Variants in BEND6 observed in about 807,000 individuals in gnomAD.
BEND6 encodes the protein BEN domain containing 6.
BEND6 carries 24 observed loss-of-function variants against 31.8 expected under a neutral mutation model. That is an observed-to-expected ratio of 0.75 (90% CI 0.55 to 1.06). BEND6 has a LOEUF of 1.06. Among genes scored for constraint, BEND6 ranks in the 50% least tolerant of loss-of-function variants. The pLI is 0.00. For missense variants in BEND6, 294 were observed against 327.4 expected (o/e 0.90, Z 0.79); for synonymous variants, 109 against 114.6 (o/e 0.95, Z 0.31).
At chr6:56,979,416 C>T (rs1040662547) in intron 1 of BEND6, among the ~76,000 whole-genome samples, 3 of 151,954 alleles carry the variant, frequency 2.0e-5, no homozygotes, top group South Asian at 2.1e-4. Flanking sequence ...ATGGTTAAAA[C>T]GGTGAATTTA....
chr6:56,969,319 A>G (rs1164721870), intron 1 of BEND6, among the ~76,000 whole-genome samples: 2 of 152,174 alleles, frequency 1.3e-5, no homozygotes, highest in Admixed American at 1.3e-4. Context: ...AACTAAAAAT[A>G]AATAATATAG....
In BEND6 at chr6:57,017,312, C is replaced by G. The variant is rs767948407; in HGVS notation, c.625C>G (p.His209Asp). The G allele has an allele frequency of 1.8e-5, 27 of 1,472,284 alleles. No individual in the cohort carries two copies. Among genetic ancestry groups the G allele is most frequent in the Non-Finnish European group, 2.4e-5 (27 of 1,107,624 alleles). 91.2% of individuals were successfully genotyped at this position (1,472,284 alleles called of 1,614,324 possible). ...TTACACAAATGAATACATGGCCACT[C>G]ACAGCCTGACAGGGGCAAAATCCTC... is the stretch of plus-strand genomic sequence containing the variant. ...VLYTNEYMAT[H>D]SLTGAKSSTS... The change falls in exon 5 of 7, where the codon CAC becomes GAC. Residue 209 changes from histidine (H) to aspartate (D), a missense_variant. Transcript: ENST00000370746.
intron 2 of BEND6, among the ~76,000 whole-genome samples, chr6:56,984,786 C>T (rs1371695699): frequency 6.6e-6 from 1 of 152,158 alleles, no homozygotes; most frequent in African/African-American, 2.4e-5. Context: ...AAACAAAAAG[C>T]TTGAAGGAAA....
chr6:56,971,311 C>T lies in BEND6; in HGVS notation c.-100-10400C>T, dbSNP rs79475915. 9.2e-3 allele frequency among the ~76,000 whole-genome samples: 1,408 copies of T among 152,268 alleles called. 18 individuals are homozygous for T. Among genetic ancestry groups the T allele is most frequent in the African/African-American group, 0.032 (1,330 of 41,556 alleles). ...TGTTATAGAACATCAGAATTTCCTT[C>T]CTTTTAAAGGTTGAATACTATTACA... On this transcript the variant is annotated intron_variant, in intron 1 of 6. Coordinates refer to ENST00000370746, the MANE Select transcript of BEND6 (RefSeq NM_152731.3).
At chr6:56,980,744 A>T (rs1826037098) in intron 1 of BEND6, among the ~76,000 whole-genome samples, 1 of 152,218 alleles carries the variant, frequency 6.6e-6, no homozygotes, top group African/African-American at 2.4e-5. Context: ...TTTCTAAAAT[A>T]GTGACAATGT....
At chr6:56,992,292 G>A in intron 2 of BEND6, 86 bp from the exon 3 acceptor site, 1 of 1,396,502 alleles carries the variant, frequency 7.2e-7, no homozygotes, top group Non-Finnish European at 9.6e-7. Context: ...GAAATTTGTA[G>A]TCCCAACAAC....
intron 3 of BEND6, among the ~76,000 whole-genome samples, chr6:57,005,816 G>A (rs114305294): frequency 1.3e-5 from 2 of 151,908 alleles, no homozygotes; most frequent in African/African-American, 4.8e-5. Context: ...ATAAGTTGAC[G>A]AAAAATATTC....
intron 1 of BEND6, 147 bp downstream of exon 1, chr6:56,955,607 C>G (rs13193800): frequency 0.13 from 19,511 of 152,266 alleles, 1,464 homozygotes; most frequent in Middle Eastern, 0.2. Context: ...GTAGTACGCT[C>G]TGGTCGGCAG....
At chr6:57,000,364 T>A (rs529354772) in intron 3 of BEND6, among the ~76,000 whole-genome samples, 1 of 152,122 alleles carries the variant, frequency 6.6e-6, no homozygotes, top group Non-Finnish European at 1.5e-5. Flanking sequence ...AGATGTGCTT[T>A]GTTAAACAGA....
chr6:57,001,392 G>A (rs929288026), intron 3 of BEND6, among the ~76,000 whole-genome samples: 2 of 152,048 alleles, frequency 1.3e-5, no homozygotes, highest in African/African-American at 4.8e-5. Flanking sequence ...TTGAACTCCT[G>A]GGCTCAAGTG....
At chr6:57,004,538 A>G in intron 3 of BEND6, 1 of 776,672 alleles carries the variant, frequency 1.3e-6, no homozygotes, top group Non-Finnish European at 2.3e-6. Flanking sequence ...CGCCATGACT[A>G]CCACATGCCC....
At chr6:56,995,831 G>A (rs1371660965) in intron 3 of BEND6, among the ~76,000 whole-genome samples, 3 of 152,126 alleles carry the variant, frequency 2.0e-5, no homozygotes, top group African/African-American at 7.2e-5. Context: ...ACATCTTTTT[G>A]GGGGACACAG....
chr6:56,972,317 A>T (rs2127845465), intron 1 of BEND6, among the ~76,000 whole-genome samples: 1 of 151,624 alleles, frequency 6.6e-6, no homozygotes, highest in Middle Eastern at 3.4e-3. Context: ...CTGGTCTCGA[A>T]CCTCTGAGCT....
At chr6:57,010,852 A>C in intron 3 of BEND6, 1 of 729,274 alleles carries the variant, frequency 1.4e-6, no homozygotes, top group East Asian at 1.3e-4. Context: ...ATGAAAATTT[A>C]AATTATGTGT....
At chr6:56,979,496 A>G (rs1825997008) in intron 1 of BEND6, among the ~76,000 whole-genome samples, 1 of 152,208 alleles carries the variant, frequency 6.6e-6, no homozygotes, top group African/African-American at 2.4e-5. Flanking sequence ...ATATGCCAGT[A>G]CCTATCAATG....
At chr6:56,987,085 C>G (rs965442535) in intron 2 of BEND6, among the ~76,000 whole-genome samples, 4 of 149,434 alleles carry the variant, frequency 2.7e-5, no homozygotes, top group African/African-American at 9.9e-5. Context: ...TCAAACAATT[C>G]TCGTGCCTCA....
intron 3 of BEND6, chr6:57,014,158 G>A (rs1460298595): frequency 4.6e-6 from 1 of 216,908 alleles, no homozygotes; most frequent in East Asian, 9.4e-5. Flanking sequence ...TGCTCAATAA[G>A]TAATTACTGA....
At chr6:57,008,544 G>A (rs1827240519) in intron 3 of BEND6, 2 of 296,330 alleles carry the variant, frequency 6.7e-6, no homozygotes, top group African/African-American at 2.2e-5. Flanking sequence ...CTGCAGCCTG[G>A]GTGACAGACA....
In BEND6 at chr6:57,027,123, T is replaced by G. The variant is rs1827928113; in HGVS notation, c.*1051T>G. 6.6e-6 allele frequency: 1 copy of G among 152,260 alleles called. No homozygotes were observed. The highest frequency in any genetic ancestry group is 1.5e-5 in the Non-Finnish European group (1 of 68,046). The allele number at this position is 152,260 out of a possible 1,614,324, so 9.4% of individuals were successfully genotyped here. ...GTCAGGTTGTCACATGTGACCACTG[T>G]GCAATGCGAAGCCATACTTCTTCAG... On this transcript the variant is annotated 3_prime_UTR_variant, in exon 7 of 7. Transcript: ENST00000370746.
Sources: allele counts gnomAD v4.1 joint callset (sites outside exome capture counted in the v4.1 genomes callset), GRCh38; gene constraint gnomAD v4.1.1; transcripts MANE v1.5; gene names NCBI Gene and HGNC (gene_info 2026-07-23, HGNC 2026-07-21).